The following GPC5 variants were observed in gnomAD, a reference collection of about 807,000 sequenced individuals.
GPC5 encodes glypican-5.
Under a neutral mutation model 53.9 loss-of-function variants are expected in GPC5, and 47 were observed. The ratio of observed to expected loss-of-function variants is 0.87; its 90% CI spans 0.69 to 1.11. The LOEUF is 1.11. GPC5 is among the 50% of genes most tolerant of loss of function. The pLI, the probability that GPC5 is intolerant of heterozygous loss-of-function variation, is 0.00. For missense variants in GPC5, 748 were observed against 713.1 expected (o/e 1.05, Z -0.56); for synonymous variants, 286 against 263.3 (o/e 1.09, Z -0.84).
chr13:91,971,250 G>T (rs2040239276), intron 6 of GPC5, among the ~76,000 whole-genome samples: 2 of 152,206 alleles, frequency 1.3e-5, no homozygotes, highest in South Asian at 2.1e-4. Context: ...TAGTTTATTT[G>T]CGTAGAGGTG....
intron 7 of GPC5, among the ~76,000 whole-genome samples, chr13:92,192,039 A>C (rs549486812): frequency 2.2e-4 from 34 of 152,318 alleles, no homozygotes; most frequent in African/African-American, 7.7e-4. Context: ...AAAAGGAAAA[A>C]TTATGGTGAC....
At chr13:92,591,720 C>G (rs561477149) in intron 7 of GPC5, among the ~76,000 whole-genome samples, 1 of 152,114 alleles carries the variant, frequency 6.6e-6, no homozygotes, top group East Asian at 1.9e-4. Context: ...AATTATATAT[C>G]CTTCGACCAA....
chr13:91,889,848 C>A (rs1372706942), intron 5 of GPC5, among the ~76,000 whole-genome samples: 1 of 152,134 alleles, frequency 6.6e-6, no homozygotes, highest in East Asian at 1.9e-4. Context: ...AATGATTGCA[C>A]AATTCATACT....
At chr13:92,799,171 C>T (rs995987083) in intron 7 of GPC5, among the ~76,000 whole-genome samples, 4 of 151,578 alleles carry the variant, frequency 2.6e-5, no homozygotes, top group Admixed American at 6.6e-5. Context: ...TTGACAAATA[C>T]GTAAGTGGGA....
chr13:92,438,744 A>G (rs1877427896), intron 7 of GPC5, among the ~76,000 whole-genome samples: 1 of 151,986 alleles, frequency 6.6e-6, no homozygotes. Context: ...TATTGAGGGA[A>G]TTTTGGAGGC....
At chr13:92,391,778 A>C (rs1474135762) in intron 7 of GPC5, among the ~76,000 whole-genome samples, 1 of 152,178 alleles carries the variant, frequency 6.6e-6, no homozygotes, top group Non-Finnish European at 1.5e-5. Context: ...GAGGCCACCA[A>C]AAGTCCTTTA....
At chr13:92,507,729 G>A (rs1032730546) in intron 7 of GPC5, among the ~76,000 whole-genome samples, 4 of 152,036 alleles carry the variant, frequency 2.6e-5, no homozygotes, top group Non-Finnish European at 5.9e-5. Context: ...ATGTCAAGGT[G>A]CCTTTATTTA....
intron 2 of GPC5, among the ~76,000 whole-genome samples, chr13:91,575,012 CT>C: frequency 6.6e-6 from 1 of 152,194 alleles, no homozygotes; most frequent in South Asian, 2.1e-4. Context: ...AATATAATGC[CT>C]CCTTGAGAAA....
intron 7 of GPC5, among the ~76,000 whole-genome samples, chr13:92,599,428 T>C (rs1371166823): frequency 6.6e-6 from 1 of 152,094 alleles, no homozygotes; most frequent in African/African-American, 2.4e-5. Context: ...AGGAAGAGCC[T>C]GACAAAGTCC....
chr13:92,649,029 T>C (rs1856193995), intron 7 of GPC5, among the ~76,000 whole-genome samples: 2 of 152,138 alleles, frequency 1.3e-5, no homozygotes, highest in Non-Finnish European at 2.9e-5. Context: ...TAGTCACCTT[T>C]AAAGCTGGAG....
At chr13:92,731,091 G>A (rs1389006020) in intron 7 of GPC5, among the ~76,000 whole-genome samples, 1 of 151,220 alleles carries the variant, frequency 6.6e-6, no homozygotes, top group Non-Finnish European at 1.5e-5. Context: ...CAAGGAAGCT[G>A]GTAATCCACT....
Position 91,600,004 on chromosome 13 carries a change from C to T in GPC5, c.326-93183C>T, listed in dbSNP as rs567692032. On this transcript the variant is annotated intron_variant, in intron 2 of 7. Transcript: ENST00000377067. ...TGGTGCGATCTTGGCTCACTGCCAC[C>T]TCTGCCTCCTGGGTTCAAGCAATTC... 3.9e-5 allele frequency among the ~76,000 whole-genome samples: 6 copies of T among 151,952 alleles called. No homozygotes were observed. In the East Asian group the frequency reaches 1.2e-3, roughly 29 times the overall value.
intron 2 of GPC5, among the ~76,000 whole-genome samples, chr13:91,613,808 T>C (rs1037529987): frequency 6.6e-6 from 1 of 152,166 alleles, no homozygotes; most frequent in Non-Finnish European, 1.5e-5. Context: ...ATCACCATAT[T>C]CATGGTTACT....
intron 7 of GPC5, among the ~76,000 whole-genome samples, chr13:92,516,510 T>C (rs1275308807): frequency 6.6e-6 from 1 of 152,190 alleles, no homozygotes; most frequent in Admixed American, 6.6e-5. Context: ...TGAAGAGATA[T>C]TCTTTGAAAA....
intron 1 of GPC5, among the ~76,000 whole-genome samples, chr13:91,437,957 G>A (rs758814453): frequency 6.6e-5 from 10 of 151,762 alleles, no homozygotes; most frequent in African/African-American, 1.9e-4. Flanking sequence ...TGATCACATC[G>A]GCTACTGAGG....
At chr13:92,752,271 A>G (rs190039945) in intron 7 of GPC5, among the ~76,000 whole-genome samples, 1 of 152,150 alleles carries the variant, frequency 6.6e-6, no homozygotes, top group Non-Finnish European at 1.5e-5. Context: ...CAGTTTTGTG[A>G]CAATCCAAAG....
intron 7 of GPC5, among the ~76,000 whole-genome samples, chr13:92,701,140 ATTTATT>A (rs1182039877): frequency 2.0e-4 from 31 of 152,172 alleles, no homozygotes; most frequent in Non-Finnish European, 7.4e-5. Context: ...CATGTGTCTA[ATTTATT>A]TTTGTCATTT....
chr13:92,357,264 T>C (rs1420820332), intron 7 of GPC5, among the ~76,000 whole-genome samples: 1 of 151,778 alleles, frequency 6.6e-6, no homozygotes, highest in Non-Finnish European at 1.5e-5. Flanking sequence ...ATGGTAGTTC[T>C]GTTTTTAACT....
chr13:92,558,721 T>C (rs556811820), intron 7 of GPC5, among the ~76,000 whole-genome samples: 1 of 152,100 alleles, frequency 6.6e-6, no homozygotes, highest in South Asian at 2.1e-4. Context: ...CAAAGCAAAC[T>C]GTTGCTAACT....
Sources: allele counts gnomAD v4.1 joint callset (sites outside exome capture counted in the v4.1 genomes callset), GRCh38; gene constraint gnomAD v4.1.1; transcripts MANE v1.5; gene names NCBI Gene and HGNC (gene_info 2026-07-23, HGNC 2026-07-21).